The following IGSF9B variants were observed in gnomAD, a reference collection of about 807,000 sequenced individuals.
IGSF9B encodes immunoglobulin superfamily member 9B, also known as protein turtle homolog B.
A neutral mutation model predicts 143.7 loss-of-function variants in IGSF9B; 48 were observed. That is an observed-to-expected ratio of 0.33 (90% confidence interval 0.26 to 0.42). The LOEUF is 0.42. IGSF9B is among the 20% of genes least tolerant of loss of function. The pLI is 1.00. For synonymous variants in IGSF9B, 903 were observed against 833.1 expected (o/e 1.08, Z -1.44); for missense variants, 1,706 against 1,980.0 (o/e 0.86, Z 2.63).
rs375626015 is a variant in IGSF9B at position 133,920,583 on chromosome 11, C to G, written c.3142G>C (p.Gly1048Arg). ...EPWGRPEFPF[G>R]GLETPAMMFP... ...ATCATCGCTGGGGTCTCCAGCCCCC[C>G]GAAGGGGAATTCTGGCCGGCCCCAG... Residue 1048 changes from glycine to arginine, a missense_variant, in exon 18 of 20, where the codon GGG (glycine) becomes CGG (arginine). Physicochemically the swap from Gly to Arg is moderately radical, Grantham distance 125 (BLOSUM62 -2). Coordinates refer to ENST00000533871, the MANE Select transcript of IGSF9B (RefSeq NM_001277285.4). The G allele has an allele frequency of 6.2e-6, 10 of 1,613,272 alleles. No homozygotes were observed. In the African/African-American group the frequency reaches 9.3e-5, roughly 15 times the overall value.
intron 18 of IGSF9B, among the ~76,000 whole-genome samples, chr11:133,912,944 G>A (rs756567874): frequency 2.6e-5 from 4 of 152,352 alleles, no homozygotes; most frequent in South Asian, 2.1e-4. Flanking sequence ...AGAGCTGAGA[G>A]GAGGGGCAGT....
At position 133,921,207 on chromosome 11, in the gene IGSF9B, C is replaced by T. The variant is rs1565425704; in HGVS notation, c.2518G>A (p.Glu840Lys). 3.7e-6 allele frequency: 6 copies of T among 1,609,090 alleles called. No homozygotes were observed. Among genetic ancestry groups the T allele is most frequent in the Admixed American group, 1.7e-5 (1 of 59,970 alleles). ...KKYSVAKAEAEAEATTPIELI... is the reference protein window; with the variant it reads ...KKYSVAKAEAKAEATTPIELI... ...TCGATGGGCGTGGTGGCCTCTGCCTCGGCCTCTGCCTTGGCCACGCTGTAC... is the reference window on the plus strand; with the variant it reads ...TCGATGGGCGTGGTGGCCTCTGCCTTGGCCTCTGCCTTGGCCACGCTGTAC... The change falls in exon 18 of 20, where the codon GAG becomes AAG. Residue 840 changes from glutamate (E) to lysine (K), a missense_variant. By Grantham distance (56) the Glu-to-Lys change is moderately conservative. This residue lies in a region of IGSF9B where 135 missense variants were observed against 181.3 expected (regional missense o/e 0.74). Coordinates refer to ENST00000533871, the MANE Select transcript of IGSF9B (RefSeq NM_001277285.4).
intron 5 of IGSF9B, among the ~76,000 whole-genome samples, chr11:133,936,455 T>A (rs547981922): frequency 1.3e-5 from 2 of 151,930 alleles, no homozygotes; most frequent in South Asian, 4.2e-4. Context: ...GAGCCAGACA[T>A]GCAGCAGGGA....
chr11:133,902,329 CCA>C lies in IGSF9B; in HGVS notation c.*6738_*6739del, dbSNP rs201386039. ...ACACCACAGATACACACACACCATA[CCA>C]CACACACCCCACACACATACACAAC... On this transcript the variant is annotated 3_prime_UTR_variant, in exon 20 of 20. Transcript: ENST00000533871. Among the ~76,000 whole-genome samples, 1,660 of 147,792 alleles carry C rather than the reference CCA, an allele frequency of 0.011. 31 individuals are homozygous for C. Among genetic ancestry groups the C allele is most frequent in the African/African-American group, 0.039 (1,580 of 40,050 alleles).
intron 3 of IGSF9B, among the ~76,000 whole-genome samples, chr11:133,942,184 T>G (rs569210855): frequency 1.1e-4 from 16 of 152,242 alleles, no homozygotes. Flanking sequence ...ATGGCCAGCA[T>G]CTCACACATA....
Position 133,931,205 on chromosome 11 carries a change from G to A in IGSF9B, c.1369-71C>T, listed in dbSNP as rs1939722233. 6.7e-7 allele frequency: 1 copy of A among 1,492,680 alleles called. No individual in the cohort carries two copies. Among genetic ancestry groups the A allele is most frequent in the East Asian group, 2.3e-5 (1 of 43,716 alleles). 92.5% of individuals were successfully genotyped at this position (1,492,680 alleles called of 1,614,324 possible). A position where few individuals can be genotyped will look rare whatever the true frequency, so the allele number is the denominator to read the frequency against. ...GTTAGGAGAGAAGCCCGAAGCAGAT[G>A]GGGAGGACGCGCCTGAGACCCCGGC... is the stretch of plus-strand genomic sequence containing the variant. On this transcript the variant is annotated intron_variant, in intron 10 of 19. Coordinates refer to ENST00000533871, the MANE Select transcript of IGSF9B (RefSeq NM_001277285.4). The surrounding 1 kb of genome is among the most constrained non-coding windows in gnomAD (Gnocchi z 7.7).
intron 1 of IGSF9B, among the ~76,000 whole-genome samples, chr11:133,952,398 C>G (rs180708619): frequency 6.6e-6 from 1 of 152,298 alleles, no homozygotes; most frequent in African/African-American, 2.4e-5. Context: ...CCAAGGGCAC[C>G]GTGGCAGAGT....
rs754543423 is a variant in IGSF9B at position 133,919,987 on chromosome 11, G to C, written c.3738C>G (p.Ser1246Arg). 3 of 1,579,360 alleles carry C rather than the reference G, an allele frequency of 1.9e-6. No individual in the cohort carries two copies. Among genetic ancestry groups the C allele is most frequent in the Non-Finnish European group, 2.6e-6 (3 of 1,162,870 alleles). ...EITLQPPAAV[S>R]FSRKSTPSTG... ...TGGACGGCGTAGACTTTCGAGAAAA[G>C]CTGACTGCAGCCGGCGGCTGCAGGG... Residue 1246 changes from serine to arginine, a missense_variant, in exon 18 of 20, where the codon AGC (serine) becomes AGG (arginine). By Grantham distance (110) the Ser-to-Arg change is moderately radical (BLOSUM62 -1). Around this residue, in one of 7 missense-constraint regions of IGSF9B, gnomAD observed 880 missense variants for 762.9 expected, o/e 1.15. Transcript: ENST00000533871.
chr11:133,937,373 T>C lies in IGSF9B; in HGVS notation c.679+3A>G. 6.2e-7 allele frequency: 1 copy of C among 1,604,672 alleles called. No individual in the cohort carries two copies. The highest frequency in any genetic ancestry group is 1.3e-5 in the African/African-American group (1 of 74,876). On this transcript the variant is annotated splice_donor_region_variant and intron_variant, in intron 5 of 19. Transcript: ENST00000533871. ...TTAAAGAGGCTGAGGAAATGGCTCC[T>C]ACCTTGGACAAGCAGGTGAGTCGTG...
Position 133,919,818 on chromosome 11 carries a change from G to A in IGSF9B, c.3907C>T (p.Gln1303Ter). The change falls in exon 18 of 20, where the codon CAG (glutamine) becomes TAG (stop). Residue 1303 changes from glutamine (Q) to a stop codon, truncating the protein, a stop_gained. Transcript: ENST00000533871. LOFTEE classifies it high-confidence loss of function. ...CCCGTCCTTCGAGGGGAAGGCGTCT[G>A]TCCAAACACGTCCAAGCTGTCCCCA... The part of the protein sequence containing the change: ...GPGDSLDVFG[Q>*]TPSPRRTGEE... The A allele has an allele frequency of 6.4e-7, 1 of 1,552,896 alleles. No homozygotes were observed. Among genetic ancestry groups the A allele is most frequent in the Non-Finnish European group, 8.7e-7 (1 of 1,151,270 alleles).
chr11:133,937,498 G>C lies in IGSF9B; in HGVS notation c.562-5C>G, dbSNP rs189767043. 119 of 1,611,560 alleles carry C rather than the reference G, an allele frequency of 7.4e-5. 1 individual carries two copies. The African/African-American group carries it at 1.3e-3, about 18-fold the overall frequency. Reference sequence around the variant, plus strand: ...TGTCAGGCTGCCGTCACTCACCTGGGAGCCCAAAACAGAGGGAGCTCAGCA... The same window carrying C: ...TGTCAGGCTGCCGTCACTCACCTGGCAGCCCAAAACAGAGGGAGCTCAGCA... On this transcript the variant is annotated splice_region_variant and splice_polypyrimidine_tract_variant and intron_variant, in intron 4 of 19. Coordinates refer to ENST00000533871, the MANE Select transcript of IGSF9B (RefSeq NM_001277285.4).
At position 133,936,055 on chromosome 11, in the gene IGSF9B, C is replaced by G; in HGVS notation, c.819G>C (p.Gln273His). Residue 273 changes from glutamine to histidine, a missense_variant and splice_region_variant, in exon 6 of 20, where the codon CAG becomes CAC. Physicochemically the swap from Gln to His is conservative, Grantham distance 24. Coordinates refer to ENST00000533871, the MANE Select transcript of IGSF9B (RefSeq NM_001277285.4). ...WYWQDENVYF[Q>H]NDLKLRVRIL... ...AAAAGTCAGAGCAGGGTGCTCACTT[C>G]TGAAAGTAGACGTTCTCGTCCTGCC... 1 of 1,613,432 alleles carries G rather than the reference C, an allele frequency of 6.2e-7. No individual in the cohort carries two copies. Among genetic ancestry groups the G allele is most frequent in the South Asian group, 1.1e-5 (1 of 90,922 alleles).
In IGSF9B at chr11:133,920,192, CG is replaced by C; in HGVS notation, c.3532del (p.Arg1178GlyfsTer27). 6.6e-7 allele frequency: 1 copy of C among 1,512,662 alleles called. No individual in the cohort carries two copies. The highest frequency in any genetic ancestry group is 8.8e-7 in the Non-Finnish European group (1 of 1,130,786). The allele number at this position is 1,512,662 out of a possible 1,614,324, so 93.7% of individuals were successfully genotyped here. ...TRWYEPQPRP[R>X]PSPRQARRAE... ...GCGCCTGGCCTGCCGAGGGCTAGGC[CG>C]GGGCCGGGGCTGGGGCTCATACCAC... On this transcript the variant is annotated frameshift_variant, in exon 18 of 20. Coordinates refer to ENST00000533871, the MANE Select transcript of IGSF9B (RefSeq NM_001277285.4). LOFTEE classifies it high-confidence loss of function.
At position 133,911,842 on chromosome 11, in the gene IGSF9B, A is replaced by C. The variant is rs1013680031; in HGVS notation, c.4105+44T>G. On this transcript the variant is annotated intron_variant, in intron 19 of 19. Coordinates refer to ENST00000533871, the MANE Select transcript of IGSF9B (RefSeq NM_001277285.4). ...CCCAATAACCCTCCTGACAACGGCA[A>C]GGCAAGGTGGGAGGAGCGGGGCGGG... 51 of 1,463,542 alleles carry C rather than the reference A, an allele frequency of 3.5e-5. No individual in the cohort carries two copies. In the African/African-American group the frequency reaches 6.8e-4, roughly 20 times the overall value. The allele number at this position is 1,463,542 out of a possible 1,614,324, so 90.7% of individuals were successfully genotyped here.
chr11:133,926,180 G>A (rs1245186925), intron 13 of IGSF9B, among the ~76,000 whole-genome samples: 2 of 152,216 alleles, frequency 1.3e-5, no homozygotes, highest in Non-Finnish European at 2.9e-5. Flanking sequence ...CTATGGGGAA[G>A]GAGGAATAAT....
At chr11:133,930,481 G>T (rs1393783451) in intron 11 of IGSF9B, among the ~76,000 whole-genome samples, 2 of 152,148 alleles carry the variant, frequency 1.3e-5, no homozygotes, top group Non-Finnish European at 2.9e-5. Context: ...GGCTGAGAGG[G>T]CCCAGGCGAA....
Position 133,919,795 on chromosome 11 carries a change from C to G in IGSF9B, c.3930G>C (p.Thr1310=). The part of the protein sequence containing the change: ...VFGQTPSPRR[T]GEELLRPETP... ...TCTCCGGTCGGAGCAATTCCTCCCCCGTCCTTCGAGGGGAAGGCGTCTGTC... is the reference window on the plus strand; with the variant it reads ...TCTCCGGTCGGAGCAATTCCTCCCCGGTCCTTCGAGGGGAAGGCGTCTGTC... Residue 1310 remains threonine, a synonymous_variant, in exon 18 of 20, where the codon ACG becomes ACC. Transcript: ENST00000533871. 1.3e-6 allele frequency: 2 copies of G among 1,504,634 alleles called. No individual in the cohort carries two copies. The highest frequency in any genetic ancestry group is 1.4e-5 in the South Asian group (1 of 73,344). 93.2% of individuals were successfully genotyped at this position (1,504,634 alleles called of 1,614,324 possible). A position where few individuals can be genotyped will look rare whatever the true frequency, so the allele number is the denominator to read the frequency against.
At position 133,928,306 on chromosome 11, in the gene IGSF9B, A is replaced by G. The variant is rs945281621; in HGVS notation, c.1632-1215T>C. On this transcript the variant is annotated intron_variant, in intron 12 of 19. Transcript: ENST00000533871. The surrounding 1 kb of genome is among the most constrained non-coding windows in gnomAD (Gnocchi z 4.7). ...GCCCCCACGCTGCTGCGGGAGGAAC[A>G]GAGTAAGGGGACGGGAGGTGAGCTG... 6.6e-6 allele frequency among the ~76,000 whole-genome samples: 1 copy of G among 152,144 alleles called. No homozygotes were observed. The highest frequency in any genetic ancestry group is 2.4e-5 in the African/African-American group (1 of 41,458).
In IGSF9B at chr11:133,908,809, C is replaced by T. The variant is rs189347639; in HGVS notation, c.*260G>A. On this transcript the variant is annotated 3_prime_UTR_variant, in exon 20 of 20. Transcript: ENST00000533871. ...AAAATCAACCTAGTGAAGCAGGGGG[C>T]GGAGGGGAGGAGACAGGTGTTGCCC... The T allele has an allele frequency of 1.7e-4, 74 of 428,480 alleles. No individual in the cohort carries two copies. Among genetic ancestry groups the T allele is most frequent in the Admixed American group, 1.0e-3 (26 of 25,776 alleles). 26.5% of individuals were successfully genotyped at this position (428,480 alleles called of 1,614,324 possible).
Sources: gnomAD v4.1 joint callset for allele counts (sites outside exome capture counted in the v4.1 genomes callset) on GRCh38, gnomAD v4.1.1 for gene constraint, gnomAD v4.1.1 regional missense constraint, Gnocchi (gnomAD v3.1) non-coding constraint, MANE v1.5 for transcripts, NCBI Gene and HGNC (gene_info 2026-07-23, HGNC 2026-07-21) for gene names.